Variants in GRID2 observed in about 807,000 individuals in gnomAD.
The protein encoded by GRID2 is glutamate receptor ionotropic, delta-2.
A neutral mutation model predicts 114.8 loss-of-function variants in GRID2; 33 were observed. That is an observed-to-expected ratio of 0.29 (90% CI 0.22 to 0.38). GRID2 has a LOEUF of 0.38. GRID2 is among the 10% of genes least tolerant of loss of function. The pLI, the probability that GRID2 is intolerant of heterozygous loss-of-function variation, is 1.00. For synonymous variants in GRID2, 505 were observed against 449.9 expected, an observed-to-expected ratio of 1.12 and a Z score of -1.55; for missense variants, 1,184 against 1,257.7, an observed-to-expected ratio of 0.94 and a Z score of 0.89.
intron 13 of GRID2, among the ~76,000 whole-genome samples, chr4:93,606,633 T>C (rs1740266042): frequency 6.6e-6 from 1 of 152,196 alleles, no homozygotes; most frequent in African/African-American, 2.4e-5. Context: ...AGCAATTTTA[T>C]CATAAATTTT....
chr4:93,103,229 C>T (rs911753409), intron 3 of GRID2, among the ~76,000 whole-genome samples: 7 of 152,072 alleles, frequency 4.6e-5, no homozygotes, highest in African/African-American at 1.4e-4. Flanking sequence ...GAGCTCCCTG[C>T]AGGTCTTCGC....
At chr4:92,405,935 G>C (rs1220104322) in intron 1 of GRID2, among the ~76,000 whole-genome samples, 1 of 152,148 alleles carries the variant, frequency 6.6e-6, no homozygotes, top group African/African-American at 2.4e-5. Flanking sequence ...CAGGCCGTCT[G>C]CAAGCTGAGG....
intron 2 of GRID2, among the ~76,000 whole-genome samples, chr4:92,705,637 G>A (rs751864198): frequency 1.3e-5 from 2 of 152,176 alleles, no homozygotes; most frequent in Non-Finnish European, 2.9e-5. Flanking sequence ...CACTCTGGTT[G>A]CTCAGGGGAA....
At chr4:92,748,544 A>G (rs1396541809) in intron 2 of GRID2, among the ~76,000 whole-genome samples, 3 of 152,040 alleles carry the variant, frequency 2.0e-5, no homozygotes, top group Non-Finnish European at 4.4e-5. Flanking sequence ...GTCCAAGAGT[A>G]GAGAAAATCT....
intron 14 of GRID2, among the ~76,000 whole-genome samples, chr4:93,757,748 G>C (rs1218024440): frequency 6.6e-6 from 1 of 152,176 alleles, no homozygotes; most frequent in Admixed American, 6.6e-5. Flanking sequence ...CTGAGGTCAG[G>C]AGTTCAAGAC....
intron 2 of GRID2, among the ~76,000 whole-genome samples, chr4:92,881,559 A>T (rs1207332760): frequency 6.6e-6 from 1 of 152,190 alleles, no homozygotes; most frequent in Non-Finnish European, 1.5e-5. Flanking sequence ...TCAAGGTAAA[A>T]ATTCTATATT....
intron 10 of GRID2, among the ~76,000 whole-genome samples, chr4:93,447,131 G>T (rs1722165759): frequency 6.6e-6 from 1 of 151,822 alleles, no homozygotes; most frequent in African/African-American, 2.4e-5. Flanking sequence ...TGTTCCTAGA[G>T]CAAAGAGGAA....
chr4:92,996,748 G>A (rs1755223785), intron 2 of GRID2, among the ~76,000 whole-genome samples: 1 of 152,128 alleles, frequency 6.6e-6, no homozygotes, highest in African/African-American at 2.4e-5. Context: ...AGGTCATTAT[G>A]ACTTCTGGCA....
chr4:93,498,866 G>T (rs899958384), intron 12 of GRID2, among the ~76,000 whole-genome samples: 1 of 151,632 alleles, frequency 6.6e-6, no homozygotes, highest in Non-Finnish European at 1.5e-5. Flanking sequence ...GATCTTGCTG[G>T]AAAAGCAGTC....
chr4:92,819,880 GTC>G (rs1458698256), intron 2 of GRID2, among the ~76,000 whole-genome samples: 1 of 152,060 alleles, frequency 6.6e-6, no homozygotes, highest in African/African-American at 2.4e-5. Context: ...AATGATAAAA[GTC>G]TGTCTTGTTT....
At chr4:92,630,741 G>A (rs947555063) in intron 2 of GRID2, among the ~76,000 whole-genome samples, 1 of 152,016 alleles carries the variant, frequency 6.6e-6, no homozygotes, top group Non-Finnish European at 1.5e-5. Context: ...TTATTGTGAT[G>A]GAATTAGGCA....
At chr4:92,618,964 GT>G (rs1730140639) in intron 2 of GRID2, among the ~76,000 whole-genome samples, 1 of 151,700 alleles carries the variant, frequency 6.6e-6, no homozygotes, top group Non-Finnish European at 1.5e-5. Context: ...TCTTCTGAGA[GT>G]GGGGACAATA....
chr4:92,809,774 G>T (rs1196251732), intron 2 of GRID2, among the ~76,000 whole-genome samples: 1 of 151,906 alleles, frequency 6.6e-6, no homozygotes, highest in African/African-American at 2.4e-5. Context: ...GCAGTTGAAG[G>T]TATTACCTAC....
intron 1 of GRID2, among the ~76,000 whole-genome samples, chr4:92,441,090 G>T (rs1057039783): frequency 6.6e-6 from 1 of 152,130 alleles, no homozygotes. Context: ...GTAAGGTCAA[G>T]TTGTTTGGAC....
chr4:92,555,275 T>C (rs901065689), intron 1 of GRID2, among the ~76,000 whole-genome samples: 1 of 152,136 alleles, frequency 6.6e-6, no homozygotes, highest in African/African-American at 2.4e-5. Context: ...TGAAGTAAAG[T>C]TGCACTAAAT....
intron 2 of GRID2, among the ~76,000 whole-genome samples, chr4:92,682,079 AAG>A (rs1405555621): frequency 1.1e-5 from 1 of 88,076 alleles, no homozygotes; most frequent in Admixed American, 1.0e-4. Context: ...GAAAGAGAGA[AAG>A]AGTCTTTTTT....
intron 8 of GRID2, among the ~76,000 whole-genome samples, chr4:93,346,645 T>A (rs1760265123): frequency 6.6e-6 from 1 of 152,148 alleles, no homozygotes; most frequent in Admixed American, 6.6e-5. Flanking sequence ...TGAAAATTGG[T>A]TCTTTTTTAG....
intron 5 of GRID2, among the ~76,000 whole-genome samples, chr4:93,213,206 C>T (rs1018462311): frequency 6.6e-6 from 1 of 152,178 alleles, no homozygotes; most frequent in Non-Finnish European, 1.5e-5. Context: ...TGCCATCCTG[C>T]TTCTCTTCCT....
intron 2 of GRID2, among the ~76,000 whole-genome samples, chr4:92,856,147 T>C (rs1232826380): frequency 4.6e-5 from 7 of 152,134 alleles, no homozygotes; most frequent in African/African-American, 1.7e-4. Context: ...CAGCTGGGTC[T>C]ACAGAGAGAT....
Sources: gnomAD v4.1 joint callset for allele counts (sites outside exome capture counted in the v4.1 genomes callset) on GRCh38, gnomAD v4.1.1 for gene constraint, MANE v1.5 for transcripts, NCBI Gene and HGNC (gene_info 2026-07-23, HGNC 2026-07-21) for gene names.